Variants in SEMA3E observed in about 807,000 individuals in gnomAD.
SEMA3E encodes semaphorin 3E.
Under a neutral mutation model 93.6 loss-of-function variants are expected in SEMA3E, and 49 were observed. The ratio of observed to expected loss-of-function variants is 0.52; its 90% confidence interval spans 0.42 to 0.66. SEMA3E has a LOEUF of 0.66. Ranked by LOEUF, SEMA3E falls within the 30% of genes least tolerant of loss-of-function variation. The probability of loss-of-function intolerance (pLI) is 0.00; values close to 1 mark genes in which losing one functional copy is unlikely to be tolerated. For missense variants in SEMA3E, 906 were observed against 964.8 expected (o/e 0.94, Z 0.81); for synonymous variants, 363 against 330.7 (o/e 1.10, Z -1.06).
At chr7:83,577,369 G>T (rs2115891877) in intron 1 of SEMA3E, among the ~76,000 whole-genome samples, 1 of 152,186 alleles carries the variant, frequency 6.6e-6, no homozygotes, top group African/African-American at 2.4e-5. Context: ...TCTTTTAACT[G>T]AAGTTAGAAT....
chr7:83,555,652 G>A (rs1278841818), intron 1 of SEMA3E, among the ~76,000 whole-genome samples: 1 of 152,002 alleles, frequency 6.6e-6, no homozygotes, highest in Admixed American at 6.6e-5. Flanking sequence ...CCTAATATTT[G>A]GAGAAAAAAG....
In SEMA3E at chr7:83,514,174, A is replaced by AG. The variant is rs1280881102; in HGVS notation, c.116-23901dup. On this transcript the variant is annotated intron_variant, in intron 1 of 16. Coordinates refer to ENST00000643230, the MANE Select transcript of SEMA3E (RefSeq NM_012431.3). The stretch of plus-strand genomic sequence containing the variant: ...AGAAGTTACCCTATATAGTCTAAAA[A>AG]GGGGGGTGGAGGCGCATGAATAATC... Among the ~76,000 whole-genome samples, 57 of 152,090 alleles carry AG rather than the reference A, an allele frequency of 3.7e-4. 2 individuals are homozygous for AG. The highest frequency in any genetic ancestry group is 7.4e-5 in the Non-Finnish European group (5 of 68,008).
chr7:83,505,203 T>A (rs35938469), intron 1 of SEMA3E, among the ~76,000 whole-genome samples: 3 of 151,936 alleles, frequency 2.0e-5, no homozygotes, highest in South Asian at 4.1e-4. Context: ...TATTTCAGCC[T>A]TTTTTCATAA....
intron 1 of SEMA3E, among the ~76,000 whole-genome samples, chr7:83,602,803 T>C (rs1328184237): frequency 6.6e-6 from 1 of 152,138 alleles, no homozygotes; most frequent in Non-Finnish European, 1.5e-5. Flanking sequence ...ATTAGTTTCA[T>C]TTTCTTTTTA....
At chr7:83,487,843 A>G (rs1228376655) in intron 2 of SEMA3E, among the ~76,000 whole-genome samples, 2 of 152,056 alleles carry the variant, frequency 1.3e-5, no homozygotes. Context: ...GTGAAATGCA[A>G]TATTTGCTTC....
chr7:83,469,433 G>A lies in SEMA3E; in HGVS notation c.277-131C>T, dbSNP rs13225391. ...TTTTTCTGTTTTCTGATAAGATACAGTGGGTCTTTGTGTTATTCACAGAAT... is the reference window on the plus strand; with the variant it reads ...TTTTTCTGTTTTCTGATAAGATACAATGGGTCTTTGTGTTATTCACAGAAT... On this transcript the variant is annotated intron_variant, in intron 2 of 16. Transcript: ENST00000643230. 312,206 of 623,406 alleles carry A rather than the reference G, an allele frequency of 0.5. 82,609 individuals carry two copies. Among genetic ancestry groups the A allele is most frequent in the East Asian group, 0.65 (23,689 of 36,320 alleles). 38.6% of individuals were successfully genotyped at this position (623,406 alleles called of 1,614,324 possible). A position where few individuals can be genotyped will look rare whatever the true frequency, so the allele number is the denominator to read the frequency against.
intron 4 of SEMA3E, among the ~76,000 whole-genome samples, chr7:83,452,122 T>C (rs994004651): frequency 2.9e-5 from 3 of 105,042 alleles, no homozygotes; most frequent in African/African-American, 5.6e-5. Flanking sequence ...CATATGTGTA[T>C]GTGTATGTAT....
rs76652111 is a variant in SEMA3E at position 83,387,424 on chromosome 7, T to C, written c.1668-374A>G. ...AATGGGATTTGAAGTAAAGTATTTA[T>C]TGAGTACAAAACAGTTATTTTGAGT... On this transcript the variant is annotated intron_variant, in intron 14 of 16. Transcript: ENST00000643230. 4.6e-3 allele frequency among the ~76,000 whole-genome samples: 694 copies of C among 152,250 alleles called. 5 individuals carry two copies. The highest frequency in any genetic ancestry group is 0.016 in the African/African-American group (672 of 41,556).
intron 1 of SEMA3E, among the ~76,000 whole-genome samples, chr7:83,527,544 G>C (rs1319596242): frequency 6.6e-6 from 1 of 152,012 alleles, no homozygotes; most frequent in East Asian, 1.9e-4. Context: ...CAAGAATTTA[G>C]GTTACAACTA....
intron 16 of SEMA3E, among the ~76,000 whole-genome samples, chr7:83,373,682 TA>T (rs764587358): frequency 4.9e-4 from 75 of 151,992 alleles, no homozygotes; most frequent in East Asian, 1.7e-3. Flanking sequence ...CCATAACATG[TA>T]AAACATGTTA....
At chr7:83,440,645 T>G (rs1286046116) in intron 4 of SEMA3E, among the ~76,000 whole-genome samples, 2 of 152,062 alleles carry the variant, frequency 1.3e-5, no homozygotes, top group Non-Finnish European at 2.9e-5. Flanking sequence ...AAGCTTCTCA[T>G]TCAAGACTTA....
intron 5 of SEMA3E, among the ~76,000 whole-genome samples, chr7:83,408,719 TTTAGAAA>T (rs1281288609): frequency 2.0e-5 from 3 of 152,148 alleles, no homozygotes; most frequent in Non-Finnish European, 4.4e-5. Context: ...AGTTTCCTCA[TTTAGAAA>T]TTAGAAAAGT....
chr7:83,577,672 A>AT (rs1792434175), intron 1 of SEMA3E, among the ~76,000 whole-genome samples: 1 of 152,116 alleles, frequency 6.6e-6, no homozygotes, highest in African/African-American at 2.4e-5. Flanking sequence ...TTCTCCATTC[A>AT]TTTTTCAAAC....
At chr7:83,396,806 G>T in intron 11 of SEMA3E, 77 bp from the exon 12 acceptor site, 1 of 947,306 alleles carries the variant, frequency 1.1e-6, no homozygotes, top group Non-Finnish European at 1.7e-6. Context: ...GTAGCTGGCT[G>T]GGTGCAGTAG....
intron 1 of SEMA3E, among the ~76,000 whole-genome samples, chr7:83,620,045 G>A (rs55646273): frequency 0.17 from 25,335 of 151,778 alleles, 2,761 homozygotes; most frequent in Middle Eastern, 0.29. Flanking sequence ...TTAAATAAAT[G>A]ATCTATTCTT....
At chr7:83,524,609 A>G (rs1791116176) in intron 1 of SEMA3E, among the ~76,000 whole-genome samples, 1 of 152,242 alleles carries the variant, frequency 6.6e-6, no homozygotes, top group African/African-American at 2.4e-5. Context: ...TGACATTTTA[A>G]AAGCTTATCC....
chr7:83,591,886 G>A (rs1341007653), intron 1 of SEMA3E, among the ~76,000 whole-genome samples: 1 of 151,946 alleles, frequency 6.6e-6, no homozygotes, highest in Non-Finnish European at 1.5e-5. Flanking sequence ...TTTTTTAAAT[G>A]TATTCACATC....
intron 4 of SEMA3E, among the ~76,000 whole-genome samples, chr7:83,424,142 C>T (rs1213349144): frequency 6.6e-6 from 1 of 151,884 alleles, no homozygotes; most frequent in African/African-American, 2.4e-5. Context: ...GTTAATAATG[C>T]CCCAGGAGTC....
chr7:83,646,452 C>G (rs1480296509), intron 1 of SEMA3E, among the ~76,000 whole-genome samples: 2 of 152,040 alleles, frequency 1.3e-5, no homozygotes, highest in African/African-American at 2.4e-5. Flanking sequence ...AGTGTGATCT[C>G]TTAACTGACT....
Sources: gnomAD v4.1 joint callset for allele counts (sites outside exome capture counted in the v4.1 genomes callset) on GRCh38, gnomAD v4.1.1 for gene constraint, MANE v1.5 for transcripts, NCBI Gene and HGNC (gene_info 2026-07-23, HGNC 2026-07-21) for gene names.